The following HPS5 variants were observed in gnomAD, a reference collection of about 807,000 sequenced individuals.
HPS5 encodes the protein BLOC-2 complex member HPS5.
Under a neutral mutation model 128.0 loss-of-function variants are expected in HPS5, and 83 were observed. That is an observed-to-expected ratio of 0.65 (90% CI 0.54 to 0.78). The LOEUF is 0.78. Among genes scored for constraint, HPS5 ranks in the 30% least tolerant of loss-of-function variants. The pLI is 0.00. For missense variants in HPS5, 1,281 were observed against 1,326.2 expected (o/e 0.97, Z 0.53); for synonymous variants, 475 against 470.2 (o/e 1.01, Z -0.13).
intron 2 of HPS5, among the ~76,000 whole-genome samples, chr11:18,313,085 G>A (rs1863191254): frequency 6.6e-6 from 1 of 152,172 alleles, no homozygotes; most frequent in Non-Finnish European, 1.5e-5. Flanking sequence ...GTATAAAAAT[G>A]AAATTACTTT....
intron 2 of HPS5, among the ~76,000 whole-genome samples, chr11:18,315,083 G>C (rs974816092): frequency 3.3e-5 from 5 of 152,086 alleles, no homozygotes; most frequent in South Asian, 2.1e-4. Context: ...TAAAACGAGG[G>C]TTACACCAGA....
intron 2 of HPS5, among the ~76,000 whole-genome samples, chr11:18,316,824 G>A (rs1330348887): frequency 1.3e-5 from 2 of 152,184 alleles, no homozygotes; most frequent in African/African-American, 4.8e-5. Context: ...ATACACTTTT[G>A]AACTATGAAG....
chr11:18,317,638 T>C, intron 2 of HPS5, 113 bp downstream of exon 2: 1 of 981,976 alleles, frequency 1.0e-6, no homozygotes, highest in Non-Finnish European at 1.6e-6. Context: ...AAAGTATGAC[T>C]AGGACAGGTA....
intron 14 of HPS5, 123 bp downstream of exon 14, chr11:18,294,897 C>A: frequency 1.0e-6 from 1 of 995,552 alleles, no homozygotes; most frequent in Non-Finnish European, 1.5e-6. Context: ...GGGCCACGTT[C>A]AAAGCCGTCC....
chr11:18,284,167 G>GA (rs754365965), intron 20 of HPS5, among the ~76,000 whole-genome samples: 1,464 of 132,250 alleles, frequency 0.011, 7 homozygotes, highest in Non-Finnish European at 0.014. Context: ...CTGATCTAGG[G>GA]AAAAAAAAAA....
intron 5 of HPS5, among the ~76,000 whole-genome samples, chr11:18,310,208 T>C (rs893011873): frequency 3.3e-5 from 5 of 152,208 alleles, no homozygotes; most frequent in South Asian, 4.1e-4. Context: ...TCAACCCTTC[T>C]ACTTAGCCAT....
rs1229620703 is a variant in HPS5 at position 18,291,971 on chromosome 11, T to C, written c.1911A>G (p.Arg637=). Residue 637 remains arginine (R), a synonymous_variant, in exon 16 of 23, where the codon AGA becomes AGG. Coordinates refer to ENST00000349215, the MANE Select transcript of HPS5 (RefSeq NM_181507.2). The stretch of plus-strand genomic sequence containing the variant: ...GTGAAAGCCACTCCTGTAAAACCAT[T>C]CTCAGAGACTCGGATTCAAATAAAA... ...PLVLFESESL[R]MVLQEWLSHL... 1 of 1,613,692 alleles carries C rather than the reference T, an allele frequency of 6.2e-7. No individual in the cohort carries two copies. Among genetic ancestry groups the C allele is most frequent in the Non-Finnish European group, 8.5e-7 (1 of 1,179,942 alleles).
chr11:18,298,897 G>A lies in HPS5; in HGVS notation c.1059C>T (p.Ser353=), dbSNP rs762507782. The A allele has an allele frequency of 6.2e-7, 1 of 1,614,018 alleles. No individual in the cohort carries two copies. Among genetic ancestry groups the A allele is most frequent in the African/African-American group, 1.3e-5 (1 of 74,912 alleles). Residue 353 remains serine (S), a synonymous_variant, in exon 10 of 23, where the codon TCC becomes TCT. Coordinates refer to ENST00000349215, the MANE Select transcript of HPS5 (RefSeq NM_181507.2). ...CCACACAGCGCTCCACAGATATCAG[G>A]GAGAGATGTGAGACTTTCCCATTTA... ...LHLNGKVSHL[S]LISVERCVER... is the part of the protein sequence containing the mutation.
chr11:18,314,917 C>G (rs1863440158), intron 2 of HPS5, among the ~76,000 whole-genome samples: 1 of 152,108 alleles, frequency 6.6e-6, no homozygotes, highest in Admixed American at 6.6e-5. Flanking sequence ...CCCAAGCGGT[C>G]TCAAACTCCT....
chr11:18,307,254 G>A (rs925362871), intron 6 of HPS5, among the ~76,000 whole-genome samples: 1 of 152,164 alleles, frequency 6.6e-6, no homozygotes, highest in African/African-American at 2.4e-5. Context: ...TTTTATTGAA[G>A]AGTGATCTAA....
intron 22 of HPS5, among the ~76,000 whole-genome samples, chr11:18,280,793 C>A (rs759269968): frequency 6.6e-6 from 1 of 152,062 alleles, no homozygotes; most frequent in East Asian, 1.9e-4. Context: ...GGTCACAAAA[C>A]GACAAATGTA....
intron 18 of HPS5, among the ~76,000 whole-genome samples, chr11:18,287,194 C>A (rs1371014916): frequency 1.3e-5 from 2 of 152,170 alleles, no homozygotes; most frequent in African/African-American, 4.8e-5. Context: ...AAGAGAAGAG[C>A]TGGAACTGAG....
At chr11:18,313,896 G>C (rs1446179510) in intron 2 of HPS5, among the ~76,000 whole-genome samples, 2 of 137,708 alleles carry the variant, frequency 1.5e-5, no homozygotes, top group East Asian at 4.8e-4. Flanking sequence ...CCTGGTGACA[G>C]AGCTAGACTC....
In HPS5 at chr11:18,283,869, T is replaced by G; in HGVS notation, c.2984A>C (p.Glu995Ala). 1 of 1,613,152 alleles carries G rather than the reference T, an allele frequency of 6.2e-7. No homozygotes were observed. The highest frequency in any genetic ancestry group is 1.1e-5 in the South Asian group (1 of 91,062). The change falls in exon 21 of 23, where the codon GAG becomes GCG. Residue 995 changes from glutamate (E) to alanine (A), a missense_variant. Transcript: ENST00000349215. Reference protein sequence around the residue: ...FWPGYLILCLELERRREAFTN... With the variant: ...FWPGYLILCLALERRREAFTN... ...GAAGGCCTCTCTTCTTCTCTCCAGC[T>G]CCAAACAGAGAATTAGATATCCAGG...
In HPS5 at chr11:18,296,005, T is replaced by C. The variant is rs767132037; in HGVS notation, c.1628A>G (p.Lys543Arg). The C allele has an allele frequency of 8.1e-6, 13 of 1,613,582 alleles. No individual in the cohort carries two copies. Among genetic ancestry groups the C allele is most frequent in the Non-Finnish European group, 1.1e-5 (13 of 1,179,580 alleles). Residue 543 changes from lysine (K) to arginine (R), a missense_variant, in exon 13 of 23, where the codon AAA becomes AGA. Transcript: ENST00000349215. ...PSPLVSLQAV[K>R]ESVSSFVRKT... is the part of the protein sequence containing the mutation. ...ACAAGACTAATTGGTTTACCTTTCT[T>C]TGACAGCCTGAAGAGACACAAGAGG...
In HPS5 at chr11:18,281,882, C is replaced by T. The variant is rs151077458; in HGVS notation, c.3329+68G>A. The stretch of plus-strand genomic sequence containing the variant: ...CGGGACTAAATGATCTCCACATCTA[C>T]ATCTGAAAGTCTGTGGCCTTCTACC... On this transcript the variant is annotated intron_variant, in intron 22 of 22. Transcript: ENST00000349215. The T allele has an allele frequency of 2.5e-4, 393 of 1,568,214 alleles. 3 individuals carry two copies. The East Asian group carries it at 8.5e-3, about 34-fold the overall frequency.
At chr11:18,287,409 C>T in intron 18 of HPS5, 126 bp downstream of exon 18, 1 of 1,043,970 alleles carries the variant, frequency 9.6e-7, no homozygotes, top group Non-Finnish European at 1.5e-6. Flanking sequence ...CCCAAATCCT[C>T]CTCTTCCATA....
intron 8 of HPS5, among the ~76,000 whole-genome samples, chr11:18,301,454 CAAAAAAAAAA>C (rs899074500): frequency 1.9e-5 from 1 of 52,098 alleles, no homozygotes; most frequent in Non-Finnish European, 4.0e-5. Context: ...GACTCTGTCT[CAAAAAAAAAA>C]AAAAAAAAAA....
chr11:18,299,108 T>C (rs1861415725), intron 9 of HPS5, 138 bp from the exon 10 acceptor site: 1 of 749,774 alleles, frequency 1.3e-6, no homozygotes. Context: ...ATTTTTCTAC[T>C]TGCAGTTCAA....
Sources: gnomAD v4.1 joint callset for allele counts (sites outside exome capture counted in the v4.1 genomes callset) on GRCh38, gnomAD v4.1.1 for gene constraint, MANE v1.5 for transcripts, NCBI Gene and HGNC (gene_info 2026-07-23, HGNC 2026-07-21) for gene names.